PLPPR4: variants seen among roughly 807,000 people sequenced by gnomAD.
The protein encoded by PLPPR4 is phospholipid phosphatase-related protein type 4.
A neutral mutation model predicts 56.6 loss-of-function variants in PLPPR4; 24 were observed. The observed-to-expected ratio is 0.42, with a 90% CI of 0.31 to 0.60. The LOEUF is 0.60. Ranked by LOEUF, PLPPR4 falls within the 20% of genes least tolerant of loss-of-function variation. The pLI is 0.13. For missense variants in PLPPR4, 654 were observed against 885.8 expected, an observed-to-expected ratio of 0.74 and a Z score of 3.32; for synonymous variants, 326 against 328.1, an observed-to-expected ratio of 0.99 and a Z score of 0.07.
At chr1:99,286,697 C>A (rs1659471445) in intron 1 of PLPPR4, among the ~76,000 whole-genome samples, 1 of 151,974 alleles carries the variant, frequency 6.6e-6, no homozygotes, top group Non-Finnish European at 1.5e-5. Flanking sequence ...GGACCCTGGG[C>A]AGAAATGAAT....
intron 1 of PLPPR4, among the ~76,000 whole-genome samples, chr1:99,284,321 A>G (rs1373281012): frequency 6.6e-6 from 1 of 152,220 alleles, no homozygotes; most frequent in Non-Finnish European, 1.5e-5. Context: ...AACACCATGT[A>G]TAAAATTATT....
intron 1 of PLPPR4, among the ~76,000 whole-genome samples, chr1:99,282,989 TAATATATATTATATATATGA>T (rs1005362887): frequency 5.4e-5 from 8 of 147,904 alleles, no homozygotes; most frequent in African/African-American, 1.7e-4. Context: ...AGTTAATATA[TAATATATATTATATATATGA>T]AATATATATT....
At chr1:99,303,211 T>G (rs927157935) in intron 6 of PLPPR4, among the ~76,000 whole-genome samples, 12 of 151,956 alleles carry the variant, frequency 7.9e-5, no homozygotes, top group African/African-American at 2.9e-4. Flanking sequence ...AAGAGACAGG[T>G]ATCTGAAAGA....
intron 1 of PLPPR4, among the ~76,000 whole-genome samples, chr1:99,266,127 T>C (rs1390257706): frequency 1.3e-5 from 2 of 152,202 alleles, no homozygotes; most frequent in African/African-American, 4.8e-5. Context: ...GATTCCATGA[T>C]GAAAATGGTG....
chr1:99,263,458 G>A (rs1007165949), upstream of PLPPR4, among the ~76,000 whole-genome samples: 2 of 152,190 alleles, frequency 1.3e-5, no homozygotes, highest in African/African-American at 4.8e-5. Context: ...CTAAAAAAGG[G>A]AAATGGATAA....
At chr1:99,291,990 T>C (rs1659633949) in intron 2 of PLPPR4, among the ~76,000 whole-genome samples, 1 of 152,036 alleles carries the variant, frequency 6.6e-6, no homozygotes, top group Non-Finnish European at 1.5e-5. Context: ...TTTAAATGTA[T>C]CATACTGTCA....
At position 99,309,238 on chromosome 1, in the gene PLPPR4, G is replaced by A. The variant is rs1660125883; in HGVS notation, c.*2228G>A. On this transcript the variant is annotated 3_prime_UTR_variant, in exon 7 of 7. Transcript: ENST00000370185. ...CAAAAAAATTTGTTTACATTCCACT[G>A]GTACCTTAATTTAAAATAAATCAGA... 1 of 152,188 alleles carries A rather than the reference G, an allele frequency of 6.6e-6. No individual in the cohort carries two copies. The highest frequency in any genetic ancestry group is 2.1e-4 in the South Asian group (1 of 4,804). The allele number at this position is 152,188 out of a possible 1,614,324, so 9.4% of individuals were successfully genotyped here. A position where few individuals can be genotyped will look rare whatever the true frequency, so the allele number is the denominator to read the frequency against.
intron 1 of PLPPR4, among the ~76,000 whole-genome samples, chr1:99,270,280 C>A (rs1470901103): frequency 6.6e-6 from 1 of 152,168 alleles, no homozygotes; most frequent in East Asian, 1.9e-4. Context: ...CCCGCCTCAG[C>A]CTCCCAAAGT....
At position 99,276,769 on chromosome 1, in the gene PLPPR4, G is replaced by A. The variant is rs561444011; in HGVS notation, c.79-11196G>A. Among the ~76,000 whole-genome samples, 4 of 152,220 alleles carry A rather than the reference G, an allele frequency of 2.6e-5. No individual in the cohort carries two copies. In the South Asian group the frequency reaches 6.2e-4, roughly 24 times the overall value. ...CTAATGGGAATTTAACCATATCATT[G>A]CAATCTTTTTTACATTATCAGCTAA... On this transcript the variant is annotated intron_variant, in intron 1 of 6. Transcript: ENST00000370185.
chr1:99,296,323 A>G (rs995091507), intron 2 of PLPPR4, among the ~76,000 whole-genome samples: 5 of 152,210 alleles, frequency 3.3e-5, no homozygotes, highest in African/African-American at 1.2e-4. Flanking sequence ...CAATACCTAC[A>G]TATGGGTAGT....
intron 1 of PLPPR4, among the ~76,000 whole-genome samples, chr1:99,284,271 CATTTAATTCATT>C (rs1255522015): frequency 6.6e-6 from 1 of 152,032 alleles, no homozygotes; most frequent in African/African-American, 2.4e-5. Flanking sequence ...TAAACATTGT[CATTTAATTCATT>C]ACATTGGGTA....
At chr1:99,264,927 T>A (rs532637191) in intron 1 of PLPPR4, among the ~76,000 whole-genome samples, 2 of 151,920 alleles carry the variant, frequency 1.3e-5, no homozygotes, top group Non-Finnish European at 2.9e-5. Flanking sequence ...CCTGTGTGAG[T>A]GAGTGTGGTT....
intron 2 of PLPPR4, among the ~76,000 whole-genome samples, chr1:99,289,484 T>A (rs959907217): frequency 2.0e-5 from 3 of 152,076 alleles, no homozygotes; most frequent in African/African-American, 4.8e-5. Context: ...CTTTAAAAAT[T>A]AATGAGTTAT....
Position 99,264,499 on chromosome 1 carries a change from G to A in PLPPR4, c.-95G>A, listed in dbSNP as rs1266241936. ...GGCCGCGGGGAATGTGACATCAGCG[G>A]CGCCGGGCGCTTGGGGCTGGAGGAG... On this transcript the variant is annotated 5_prime_UTR_variant, in exon 1 of 7. Transcript: ENST00000370185. The A allele has an allele frequency of 1.4e-5, 21 of 1,541,356 alleles. No individual in the cohort carries two copies. The South Asian group carries it at 2.0e-4, about 15-fold the overall frequency.
chr1:99,282,292 T>C (rs1207604206), intron 1 of PLPPR4, among the ~76,000 whole-genome samples: 1 of 152,190 alleles, frequency 6.6e-6, no homozygotes, highest in Admixed American at 6.5e-5. Context: ...CATATCTATG[T>C]CCAAAACCAT....
chr1:99,295,296 A>T (rs1304111117), intron 2 of PLPPR4, among the ~76,000 whole-genome samples: 2 of 152,218 alleles, frequency 1.3e-5, no homozygotes, highest in African/African-American at 2.4e-5. Context: ...CATGTACCAT[A>T]TTCCCTACAG....
intron 2 of PLPPR4, among the ~76,000 whole-genome samples, chr1:99,289,259 T>G (rs1390601600): frequency 1.3e-5 from 2 of 152,164 alleles, no homozygotes; most frequent in African/African-American, 4.8e-5. Flanking sequence ...AATTCGCCTA[T>G]TCAGGTTCAG....
At chr1:99,264,979 C>T (rs1307046629) in intron 1 of PLPPR4, among the ~76,000 whole-genome samples, 4 of 152,192 alleles carry the variant, frequency 2.6e-5, no homozygotes, top group Admixed American at 2.6e-4. Flanking sequence ...TGCACAACGT[C>T]CGCTAGTGCC....
chr1:99,281,182 A>G (rs967129733), intron 1 of PLPPR4, among the ~76,000 whole-genome samples: 2 of 152,188 alleles, frequency 1.3e-5, no homozygotes, highest in African/African-American at 4.8e-5. Flanking sequence ...CTGATAACAA[A>G]TGAAGCCCAG....
Sources: allele counts gnomAD v4.1 joint callset (sites outside exome capture counted in the v4.1 genomes callset), GRCh38; gene constraint gnomAD v4.1.1; transcripts MANE v1.5; gene names NCBI Gene and HGNC (gene_info 2026-07-23, HGNC 2026-07-21).